Variants in XIRP2 observed in about 807,000 individuals in gnomAD.
XIRP2 encodes xin actin binding repeat containing 2.
A neutral mutation model predicts 277.0 loss-of-function variants in XIRP2; 236 were observed. The ratio of observed to expected loss-of-function variants is 0.85; its 90% CI spans 0.77 to 0.95. XIRP2 has a LOEUF of 0.95. XIRP2 is among the 40% of genes least tolerant of loss of function. The pLI, the probability that XIRP2 is intolerant of heterozygous loss-of-function variation, is 0.00. For missense variants in XIRP2, 4,640 were observed against 4,157.5 expected, an observed-to-expected ratio of 1.12 and a Z score of -3.19; for synonymous variants, 1,490 against 1,416.5, an observed-to-expected ratio of 1.05 and a Z score of -1.17.
At position 166,997,419 on chromosome 2, in the gene XIRP2, G is replaced by A. The variant is rs1558941443; in HGVS notation, c.408+93529G>A. 3.3e-5 allele frequency among the ~76,000 whole-genome samples: 5 copies of A among 152,102 alleles called. 1 individual carries two copies. In the South Asian group the frequency reaches 1.0e-3, roughly 31 times the overall value. On this transcript the variant is annotated intron_variant, in intron 2 of 10. Transcript: ENST00000409195. ...GCTACACAAAAAAATGTTTAAATGA[G>A]GAGGTAGGTTAGTTGCTAAGAAAAT...
rs73015904 is a variant in XIRP2 at position 167,089,800 on chromosome 2, G to A, written c.409-46109G>A. 4.2e-3 allele frequency among the ~76,000 whole-genome samples: 634 copies of A among 152,116 alleles called. 14 individuals are homozygous for A. The highest frequency in any genetic ancestry group is 0.015 in the African/African-American group (610 of 41,470). On this transcript the variant is annotated intron_variant, in intron 2 of 10. Transcript: ENST00000409195. ...TTTTAAGATAAAGTTCTATCGAAACGCAGCTATGCCCATTTGTTTATGTAT... is the reference window on the plus strand; with the variant it reads ...TTTTAAGATAAAGTTCTATCGAAACACAGCTATGCCCATTTGTTTATGTAT...
chr2:167,026,397 G>C (rs965534175), intron 2 of XIRP2, among the ~76,000 whole-genome samples: 1 of 152,120 alleles, frequency 6.6e-6, no homozygotes, highest in Non-Finnish European at 1.5e-5. Context: ...GAAGGGTCTT[G>C]ACTCTTTATC....
At position 167,254,062 on chromosome 2, in the gene XIRP2, A is replaced by G. The variant is rs1173320154; in HGVS notation, c.10586A>G (p.Tyr3529Cys). The G allele has an allele frequency of 6.2e-7, 1 of 1,605,468 alleles. No homozygotes were observed. Among genetic ancestry groups the G allele is most frequent in the Non-Finnish European group, 8.5e-7 (1 of 1,175,764 alleles). The stretch of plus-strand genomic sequence containing the variant: ...GCTGCTCCAAGACAAGGAAATATGT[A>G]TACTTTGTCAAAAGACAGTTTATCC... ...EAAAPRQGNM[Y>C]TLSKDSLSNG... The change falls in exon 10 of 11, where the codon TAT (tyrosine) becomes TGT (cysteine). Residue 3529 changes from tyrosine (Y) to cysteine (C), a missense_variant. Physicochemically the swap from Tyr to Cys is radical, Grantham distance 194. Transcript: ENST00000409195.
At chr2:167,234,421 A>G (rs1694844745) in intron 5 of XIRP2, among the ~76,000 whole-genome samples, 1 of 150,602 alleles carries the variant, frequency 6.6e-6, no homozygotes, top group African/African-American at 2.4e-5. Context: ...CATATATTGC[A>G]TAGATAGAGA....
chr2:167,150,272 A>G (rs1479034627), intron 3 of XIRP2, among the ~76,000 whole-genome samples: 2 of 152,054 alleles, frequency 1.3e-5, no homozygotes, highest in Non-Finnish European at 2.9e-5. Flanking sequence ...TGTGGAGTGT[A>G]TAAAGAAAGA....
intron 2 of XIRP2, among the ~76,000 whole-genome samples, chr2:166,912,648 C>T (rs764389192): frequency 1.3e-5 from 2 of 152,274 alleles, no homozygotes; most frequent in African/African-American, 2.4e-5. Context: ...CTGTTGCTGG[C>T]GAGGAGCTGC....
intron 5 of XIRP2, among the ~76,000 whole-genome samples, chr2:167,238,327 A>G (rs1233652118): frequency 2.0e-5 from 3 of 152,184 alleles, no homozygotes; most frequent in African/African-American, 7.2e-5. Flanking sequence ...TTAATGAGAT[A>G]CAATCTACAT....
intron 2 of XIRP2, among the ~76,000 whole-genome samples, chr2:167,020,003 C>T (rs1052872344): frequency 2.0e-5 from 3 of 151,964 alleles, no homozygotes; most frequent in East Asian, 1.9e-4. Flanking sequence ...ATGCACTATT[C>T]GCTTTTAGGA....
chr2:167,164,818 C>T (rs1175869466), intron 3 of XIRP2, among the ~76,000 whole-genome samples: 2 of 151,994 alleles, frequency 1.3e-5, no homozygotes, highest in Non-Finnish European at 2.9e-5. Context: ...TCATAGCTTC[C>T]GTTATCAATA....
At position 167,248,581 on chromosome 2, in the gene XIRP2, T is replaced by A; in HGVS notation, c.7189T>A (p.Ser2397Thr). 3.1e-6 allele frequency: 5 copies of A among 1,613,566 alleles called. No individual in the cohort carries two copies. Among genetic ancestry groups the A allele is most frequent in the Non-Finnish European group, 4.2e-6 (5 of 1,179,792 alleles). Residue 2397 changes from serine to threonine, a missense_variant, in exon 9 of 11, where the codon TCC (serine) becomes ACC (threonine). Physicochemically the swap from Ser to Thr is moderately conservative, Grantham distance 58. Transcript: ENST00000409195. ...KHSGDFMQQY[S>T]QKEASNSQNS... Reference sequence around the variant, plus strand: ...CAGTGGAGACTTCATGCAACAATATTCCCAAAAAGAAGCCTCGAACTCTCA... The same window carrying A: ...CAGTGGAGACTTCATGCAACAATATACCCAAAAAGAAGCCTCGAACTCTCA...
intron 2 of XIRP2, among the ~76,000 whole-genome samples, chr2:167,088,234 A>G (rs1690022694): frequency 6.6e-6 from 1 of 152,074 alleles, no homozygotes; most frequent in African/African-American, 2.4e-5. Flanking sequence ...TCCCTGCACC[A>G]TCCCCTAAAG....
chr2:167,023,740 G>A (rs933731935), intron 2 of XIRP2, among the ~76,000 whole-genome samples: 49 of 151,882 alleles, frequency 3.2e-4, no homozygotes, highest in Admixed American at 1.7e-3. Flanking sequence ...TGATTTTCTC[G>A]GGTTTGTCAA....
chr2:167,052,979 A>G (rs887850052), intron 2 of XIRP2, among the ~76,000 whole-genome samples: 5 of 152,214 alleles, frequency 3.3e-5, no homozygotes, highest in Admixed American at 1.3e-4. Context: ...TGGCCTATGT[A>G]TTTAAACACT....
intron 2 of XIRP2, among the ~76,000 whole-genome samples, chr2:167,099,961 G>T (rs1200417529): frequency 6.6e-6 from 1 of 152,022 alleles, no homozygotes; most frequent in African/African-American, 2.4e-5. Context: ...CAGCCATCTT[G>T]CCTGGGAGCC....
At chr2:167,068,484 G>A (rs1229705355) in intron 2 of XIRP2, among the ~76,000 whole-genome samples, 1 of 152,144 alleles carries the variant, frequency 6.6e-6, no homozygotes, top group Non-Finnish European at 1.5e-5. Context: ...ATAACAAACA[G>A]TGTGTACAAA....
rs776200202 is a variant in XIRP2 at position 167,210,814 on chromosome 2, C to T, written c.642C>T (p.His214=). The part of the protein sequence containing the change: ...AARGEGVSDL[H]EVVSLKERMA... ...GGGGCGAGGGTGTGTCAGACCTCCA[C>T]GAAGTGGTCTCCCTGAAGGAGCGGA... Residue 214 remains histidine, a synonymous_variant, in exon 4 of 11, where the codon CAC becomes CAT. Coordinates refer to ENST00000409195, the MANE Select transcript of XIRP2 (RefSeq NM_152381.6). 18 of 1,614,022 alleles carry T rather than the reference C, an allele frequency of 1.1e-5. No individual in the cohort carries two copies. The highest frequency in any genetic ancestry group is 6.7e-5 in the Admixed American group (4 of 59,994).
intron 5 of XIRP2, among the ~76,000 whole-genome samples, chr2:167,235,149 G>A (rs1340461185): frequency 2.0e-5 from 3 of 151,784 alleles, no homozygotes; most frequent in African/African-American, 7.2e-5. Context: ...TGGGCTTCTA[G>A]TGTATTTATT....
At chr2:167,048,219 T>C (rs993676479) in intron 2 of XIRP2, among the ~76,000 whole-genome samples, 3 of 151,968 alleles carry the variant, frequency 2.0e-5, no homozygotes, top group Non-Finnish European at 4.4e-5. Context: ...TTATTTTTAT[T>C]CTCTACTTCA....
chr2:167,161,818 GGTTTTCTTTTCTATCGCATT>G (rs1209025855), intron 3 of XIRP2, among the ~76,000 whole-genome samples: 2 of 152,068 alleles, frequency 1.3e-5, no homozygotes, highest in African/African-American at 4.8e-5. Flanking sequence ...CAGAAAATGG[GGTTTTCTTTTCTATCGCATT>G]GTCAAGATGC....
Sources: gnomAD v4.1 joint callset for allele counts (sites outside exome capture counted in the v4.1 genomes callset) on GRCh38, gnomAD v4.1.1 for gene constraint, MANE v1.5 for transcripts, NCBI Gene and HGNC (gene_info 2026-07-23, HGNC 2026-07-21) for gene names.